Variants in EFNA5 observed in about 807,000 individuals in gnomAD.
EFNA5 encodes the protein ephrin-A5.
EFNA5 carries 5 observed loss-of-function variants against 22.9 expected under a neutral mutation model. The observed-to-expected ratio is 0.22, with a 90% CI of 0.11 to 0.46. The LOEUF is 0.46. EFNA5 is among the 20% of genes least tolerant of loss of function. The pLI is 0.99. For missense variants in EFNA5, 237 were observed against 293.3 expected, an observed-to-expected ratio of 0.81 and a Z score of 1.40; for synonymous variants, 113 against 112.2, an observed-to-expected ratio of 1.01 and a Z score of -0.04.
At chr5:107,496,266 G>A (rs1411188848) in intron 1 of EFNA5, among the ~76,000 whole-genome samples, 1 of 146,032 alleles carries the variant, frequency 6.8e-6, no homozygotes, top group Non-Finnish European at 1.5e-5. Context: ...AACCTGGGAG[G>A]CAGAGGTTGC....
At chr5:107,571,278 G>T (rs1174433598) in intron 1 of EFNA5, among the ~76,000 whole-genome samples, 2 of 152,138 alleles carry the variant, frequency 1.3e-5, no homozygotes, top group African/African-American at 4.8e-5. Flanking sequence ...CCAACCTGGG[G>T]CAGAGAGCAC....
chr5:107,439,711 C>T (rs1749204946), intron 1 of EFNA5, among the ~76,000 whole-genome samples: 1 of 152,188 alleles, frequency 6.6e-6, no homozygotes, highest in Non-Finnish European at 1.5e-5. Flanking sequence ...GAAATTAACT[C>T]ATGGCACTAC....
intron 1 of EFNA5, among the ~76,000 whole-genome samples, chr5:107,636,781 G>A (rs549840322): frequency 6.6e-6 from 1 of 151,902 alleles, no homozygotes; most frequent in Non-Finnish European, 1.5e-5. Context: ...AGTGAAACAT[G>A]GGCAAACATG....
chr5:107,621,224 G>T lies in EFNA5; in HGVS notation c.125+49265C>A, dbSNP rs540954149. Reference sequence around the variant, plus strand: ...CATCTAGGAGAAAACAGACTGGGGGGCTGGAGTAAGAGAGGACAAAGAAGC... The same window carrying T: ...CATCTAGGAGAAAACAGACTGGGGGTCTGGAGTAAGAGAGGACAAAGAAGC... On this transcript the variant is annotated intron_variant, in intron 1 of 4. Transcript: ENST00000333274. Among the ~76,000 whole-genome samples, 11 of 152,214 alleles carry T rather than the reference G, an allele frequency of 7.2e-5. No individual in the cohort carries two copies. The East Asian group carries it at 1.9e-3, about 27-fold the overall frequency.
At chr5:107,493,195 A>G (rs1023661955) in intron 1 of EFNA5, among the ~76,000 whole-genome samples, 2 of 151,162 alleles carry the variant, frequency 1.3e-5, no homozygotes, top group African/African-American at 4.9e-5. Flanking sequence ...CAAACACCAT[A>G]GTTGTTTTTT....
intron 1 of EFNA5, among the ~76,000 whole-genome samples, chr5:107,464,153 A>C (rs891852404): frequency 1.3e-5 from 2 of 152,256 alleles, no homozygotes; most frequent in South Asian, 4.1e-4. Flanking sequence ...CCCTGCCCCT[A>C]ACCTCCTAAC....
At chr5:107,460,258 AT>A (rs1304759679) in intron 1 of EFNA5, among the ~76,000 whole-genome samples, 7 of 151,752 alleles carry the variant, frequency 4.6e-5, no homozygotes, top group Admixed American at 6.6e-5. Flanking sequence ...TGAGACGAGA[AT>A]TTTTTTTTAA....
rs778614818 is a variant in EFNA5 at position 107,433,563 on chromosome 5, G to A, written c.126-6054C>T. On this transcript the variant is annotated intron_variant, in intron 1 of 4. Coordinates refer to ENST00000333274, the MANE Select transcript of EFNA5 (RefSeq NM_001962.3). Reference sequence around the variant, plus strand: ...TTTACCTGATGACATTCCATTATATGCTGAATAAATTTTAATTTTCAATTT... The same window carrying A: ...TTTACCTGATGACATTCCATTATATACTGAATAAATTTTAATTTTCAATTT... Among the ~76,000 whole-genome samples, 14 of 152,244 alleles carry A rather than the reference G, an allele frequency of 9.2e-5. No homozygotes were observed. The South Asian group carries it at 2.7e-3, about 29-fold the overall frequency.
chr5:107,594,763 C>G (rs1452269818), intron 1 of EFNA5, among the ~76,000 whole-genome samples: 3 of 152,146 alleles, frequency 2.0e-5, no homozygotes, highest in Non-Finnish European at 2.9e-5. Context: ...GAAATGGGAG[C>G]CCCCTGTTTT....
rs550904927 is a variant in EFNA5, at chr5:107,632,031, G to T, written c.125+38458C>A. ...CTTCACAGCCTTCCAGCCACCAGTT[G>T]CCCAGCACATGGCTGAGAGGGAAGA... On this transcript the variant is annotated intron_variant, in intron 1 of 4. Coordinates refer to ENST00000333274, the MANE Select transcript of EFNA5 (RefSeq NM_001962.3). Among the ~76,000 whole-genome samples, 65 of 152,336 alleles carry T rather than the reference G, an allele frequency of 4.3e-4. 1 individual carries two copies. The highest frequency in any genetic ancestry group is 1.6e-3 in the African/African-American group (65 of 41,584).
intron 1 of EFNA5, among the ~76,000 whole-genome samples, chr5:107,452,974 T>C (rs1749600033): frequency 6.6e-6 from 1 of 152,200 alleles, no homozygotes; most frequent in Non-Finnish European, 1.5e-5. Context: ...TTCTTTCTTC[T>C]TTTTAAAAAA....
intron 1 of EFNA5, among the ~76,000 whole-genome samples, chr5:107,639,868 G>A (rs1039611982): frequency 3.9e-5 from 6 of 152,112 alleles, no homozygotes; most frequent in African/African-American, 1.2e-4. Context: ...ATTATACCAT[G>A]TTAATAGTTT....
At chr5:107,483,181 T>C (rs1363471618) in intron 1 of EFNA5, among the ~76,000 whole-genome samples, 2 of 152,174 alleles carry the variant, frequency 1.3e-5, no homozygotes, top group African/African-American at 2.4e-5. Context: ...CAGAGATTAC[T>C]TCATTTAGAC....
At position 107,385,837 on chromosome 5, in the gene EFNA5, C is replaced by T. The variant is rs115138799; in HGVS notation, c.565+1398G>A. ...AATGCCTTCATGTCAGCATTCATTC[C>T]TTAAAACTTTCTAAAGCAGCTAACT... On this transcript the variant is annotated intron_variant, in intron 4 of 4. Coordinates refer to ENST00000333274, the MANE Select transcript of EFNA5 (RefSeq NM_001962.3). Among the ~76,000 whole-genome samples the T allele has an allele frequency of 6.2e-3, 949 of 152,234 alleles. 13 individuals are homozygous for T. The highest frequency in any genetic ancestry group is 0.022 in the African/African-American group (908 of 41,542).
At chr5:107,553,377 C>T (rs142974920) in intron 1 of EFNA5, among the ~76,000 whole-genome samples, 50 of 152,216 alleles carry the variant, frequency 3.3e-4, no homozygotes, top group Admixed American at 5.9e-4. Flanking sequence ...GATCTCAGCC[C>T]CACTCCACCA....
At position 107,477,479 on chromosome 5, in the gene EFNA5, G is replaced by A. The variant is rs546863320; in HGVS notation, c.126-49970C>T. ...GGGCTTTCTTACATGAGGTATTACT[G>A]CTCTAGAAAATTGTCTACATTAATT... On this transcript the variant is annotated intron_variant, in intron 1 of 4. Transcript: ENST00000333274. Among the ~76,000 whole-genome samples the A allele has an allele frequency of 7.9e-5, 12 of 152,188 alleles. No homozygotes were observed. The East Asian group carries it at 2.3e-3, about 29-fold the overall frequency.
chr5:107,546,162 C>T (rs1748148591), intron 1 of EFNA5, among the ~76,000 whole-genome samples: 1 of 152,122 alleles, frequency 6.6e-6, no homozygotes, highest in Non-Finnish European at 1.5e-5. Flanking sequence ...AGGTAGCTTT[C>T]CTTCTCTTCC....
intron 1 of EFNA5, among the ~76,000 whole-genome samples, chr5:107,546,187 G>C (rs557662952): frequency 5.8e-4 from 89 of 152,282 alleles, no homozygotes; most frequent in African/African-American, 1.6e-3. Context: ...GTATAGAAAA[G>C]AGCTAGTAGA....
chr5:107,646,550 A>G (rs1240406722), intron 1 of EFNA5, among the ~76,000 whole-genome samples: 1 of 152,174 alleles, frequency 6.6e-6, no homozygotes, highest in Non-Finnish European at 1.5e-5. Context: ...GTAAAGGGTA[A>G]TACTGATTAA....
Sources: gnomAD v4.1 joint callset for allele counts (sites outside exome capture counted in the v4.1 genomes callset) on GRCh38, gnomAD v4.1.1 for gene constraint, MANE v1.5 for transcripts, NCBI Gene and HGNC (gene_info 2026-07-23, HGNC 2026-07-21) for gene names.